NRG1: variants seen among roughly 807,000 people sequenced by gnomAD.
NRG1 encodes neuregulin 1.
A neutral mutation model predicts 63.8 loss-of-function variants in NRG1; 18 were observed. The observed-to-expected ratio is 0.28, with a 90% CI of 0.19 to 0.42. NRG1 has a LOEUF of 0.42. Among genes scored for constraint, NRG1 ranks in the 10% least tolerant of loss-of-function variants. The probability of loss-of-function intolerance (pLI) is 1.00; values close to 1 mark genes in which losing one functional copy is unlikely to be tolerated. For synonymous variants in NRG1, 302 were observed against 301.3 expected (o/e 1.00, Z -0.02); for missense variants, 762 against 814.7 (o/e 0.94, Z 0.79).
intron 5 of NRG1, among the ~76,000 whole-genome samples, chr8:32,656,162 C>T (rs1465804723): frequency 6.6e-6 from 1 of 151,828 alleles, no homozygotes; most frequent in African/African-American, 2.4e-5. Flanking sequence ...ACATATAATT[C>T]ATACATATAA....
intron 1 of NRG1, among the ~76,000 whole-genome samples, chr8:31,904,192 T>G (rs1346511914): frequency 6.6e-6 from 1 of 152,142 alleles, no homozygotes; most frequent in Non-Finnish European, 1.5e-5. Context: ...AGTTTGGCCA[T>G]AACTAGTTCA....
At chr8:32,677,963 G>A (rs1324519816) in intron 5 of NRG1, among the ~76,000 whole-genome samples, 1 of 152,062 alleles carries the variant, frequency 6.6e-6, no homozygotes, top group South Asian at 2.1e-4. Context: ...AACCTTTGCT[G>A]TCCTCTGCTA....
At chr8:32,315,091 T>G (rs1309271680) in intron 1 of NRG1, among the ~76,000 whole-genome samples, 1 of 152,240 alleles carries the variant, frequency 6.6e-6, no homozygotes, top group Non-Finnish European at 1.5e-5. Context: ...TTTTAAATTT[T>G]ATTTTAAGTT....
intron 1 of NRG1, among the ~76,000 whole-genome samples, chr8:31,911,004 T>C (rs2129617415): frequency 6.6e-6 from 1 of 152,282 alleles, no homozygotes; most frequent in East Asian, 1.9e-4. Flanking sequence ...GACATTCCGA[T>C]TTGTCTTACT....
At chr8:31,735,298 T>G (rs1161609327) in intron 1 of NRG1, among the ~76,000 whole-genome samples, 1 of 151,976 alleles carries the variant, frequency 6.6e-6, no homozygotes, top group Non-Finnish European at 1.5e-5. Flanking sequence ...TAAAGAGGAG[T>G]AGATTTATTT....
chr8:32,243,262 A>T (rs888998718), intron 1 of NRG1, among the ~76,000 whole-genome samples: 1 of 152,044 alleles, frequency 6.6e-6, no homozygotes, highest in African/African-American at 2.4e-5. Context: ...GTCTCTGCAA[A>T]ATAATACAAA....
chr8:32,435,359 A>G (rs982194648), intron 1 of NRG1, among the ~76,000 whole-genome samples: 1 of 152,154 alleles, frequency 6.6e-6, no homozygotes, highest in Admixed American at 6.5e-5. Flanking sequence ...CCTTTAGCCA[A>G]ACTGAAGGAA....
At chr8:31,653,461 CACTA>C (rs1436453086) in intron 1 of NRG1, among the ~76,000 whole-genome samples, 2 of 152,312 alleles carry the variant, frequency 1.3e-5, no homozygotes, top group East Asian at 1.9e-4. Context: ...ATAAAATCTG[CACTA>C]ACTAACACCG....
At chr8:32,370,435 T>C (rs1808660685) in intron 1 of NRG1, among the ~76,000 whole-genome samples, 1 of 152,186 alleles carries the variant, frequency 6.6e-6, no homozygotes, top group Admixed American at 6.5e-5. Flanking sequence ...TGAATCCCTA[T>C]CCTACAAAAG....
intron 1 of NRG1, among the ~76,000 whole-genome samples, chr8:31,853,917 T>C (rs1185320169): frequency 6.6e-6 from 1 of 151,666 alleles, no homozygotes; most frequent in Non-Finnish European, 1.5e-5. Flanking sequence ...ATTACATTTA[T>C]TGATTTGCGT....
At chr8:32,215,516 C>A (rs933221088) in intron 1 of NRG1, among the ~76,000 whole-genome samples, 1 of 152,174 alleles carries the variant, frequency 6.6e-6, no homozygotes, top group African/African-American at 2.4e-5. Context: ...CTAATCCTCA[C>A]ACACTTATGA....
Position 31,937,295 on chromosome 8 carries a change from G to C in NRG1, c.37+297864G>C, listed in dbSNP as rs563053191. On this transcript the variant is annotated intron_variant, in intron 1 of 10. Coordinates refer to the NRG1 transcript ENST00000519301. The stretch of plus-strand genomic sequence containing the variant: ...TTGGTTGAATTAAACAGTGTTGAAA[G>C]GTGTTAGCTAGAGAAGACTTAATAG... Among the ~76,000 whole-genome samples, 3 of 152,234 alleles carry C rather than the reference G, an allele frequency of 2.0e-5. No individual in the cohort carries two copies. In the East Asian group the frequency reaches 5.8e-4, roughly 29 times the overall value.
chr8:31,655,882 G>A (rs1163431518), intron 1 of NRG1, among the ~76,000 whole-genome samples: 1 of 152,226 alleles, frequency 6.6e-6, no homozygotes, highest in Admixed American at 6.5e-5. Context: ...GGGCGGTGGG[G>A]AGGATGGCCC....
chr8:32,486,218 C>G (rs1313854356), intron 1 of NRG1, among the ~76,000 whole-genome samples: 1 of 152,154 alleles, frequency 6.6e-6, no homozygotes, highest in Admixed American at 6.5e-5. Context: ...AGATGTGAGC[C>G]ACCGCACCCA....
chr8:32,646,685 G>GAGAA, intron 5 of NRG1: 1 of 985,346 alleles, frequency 1.0e-6, no homozygotes, highest in African/African-American at 1.7e-5. Context: ...AGCTTTTGTA[G>GAGAA]AGAAAGAAAG....
Position 31,884,280 on chromosome 8 carries a change from T to C in NRG1, c.37+244849T>C, listed in dbSNP as rs181990348. ...TAACTTTGGGCCCTGGAGAGAGTAA[T>C]ACCTAATGAAAACTGCAACTCAAAG... On this transcript the variant is annotated intron_variant, in intron 1 of 10. Coordinates refer to the NRG1 transcript ENST00000519301. 7.2e-5 allele frequency among the ~76,000 whole-genome samples: 11 copies of C among 152,090 alleles called. No homozygotes were observed. In the East Asian group the frequency reaches 1.9e-3, roughly 27 times the overall value.
rs561619489 is a variant in NRG1, at chr8:32,613,415, G to A, written c.401-1099G>A. ...CTTCAGAGTTTGAAGAAATATTGGC[G>A]CTTAAATTGATTCTGCTTACCTGCT... On this transcript the variant is annotated intron_variant, in intron 3 of 11. Coordinates refer to ENST00000356819, the Ensembl canonical transcript of NRG1. Among the ~76,000 whole-genome samples, 10 of 152,022 alleles carry A rather than the reference G, an allele frequency of 6.6e-5. No individual in the cohort carries two copies. In the South Asian group the frequency reaches 1.7e-3, roughly 25 times the overall value.
chr8:32,640,245 TCACACA>T (rs111977984), intron 5 of NRG1, among the ~76,000 whole-genome samples: 448 of 147,640 alleles, frequency 3.0e-3, no homozygotes, highest in African/African-American at 0.011. Context: ...CTTCTTTTTG[TCACACA>T]CACACACACA....
intron 1 of NRG1, among the ~76,000 whole-genome samples, chr8:31,990,003 T>C (rs1424636368): frequency 1.3e-5 from 2 of 152,142 alleles, no homozygotes; most frequent in East Asian, 3.9e-4. Flanking sequence ...GATTAGGCTT[T>C]GATTTGTTTT....
Sources: allele counts gnomAD v4.1 joint callset (sites outside exome capture counted in the v4.1 genomes callset), GRCh38; gene constraint gnomAD v4.1.1; transcripts MANE v1.5; gene names NCBI Gene and HGNC (gene_info 2026-07-23, HGNC 2026-07-21).